Variants in ST18 observed in about 807,000 individuals in gnomAD.
The protein encoded by ST18 is ST18 C2H2C-type zinc finger transcription factor.
In ST18, 50 loss-of-function variants were observed where a neutral mutation model predicts 110.0. The ratio of observed to expected loss-of-function variants is 0.45; its 90% CI spans 0.36 to 0.58. The LOEUF (loss-of-function observed/expected upper bound fraction) is 0.58, where lower values mean the gene tolerates loss of function less well. Ranked by LOEUF, ST18 falls within the 20% of genes least tolerant of loss-of-function variation. The pLI is 0.00. For missense variants in ST18, 1,306 were observed against 1,280.1 expected (o/e 1.02, Z -0.31); for synonymous variants, 461 against 452.4 (o/e 1.02, Z -0.24).
chr8:52,181,417 A>T (rs570916334), intron 8 of ST18, among the ~76,000 whole-genome samples: 1 of 152,344 alleles, frequency 6.6e-6, no homozygotes, highest in South Asian at 2.1e-4. Flanking sequence ...TCTTGGCTTT[A>T]GAAGAGTAGG....
chr8:52,141,408 T>G (rs1178529670), intron 17 of ST18, among the ~76,000 whole-genome samples: 1 of 151,886 alleles, frequency 6.6e-6, no homozygotes, highest in Non-Finnish European at 1.5e-5. Context: ...GAAGAGGAAA[T>G]AAGGGGAAAT....
chr8:52,341,405 T>C (rs1814951006), intron 2 of ST18, among the ~76,000 whole-genome samples: 1 of 152,230 alleles, frequency 6.6e-6, no homozygotes, highest in Non-Finnish European at 1.5e-5. Context: ...GGAGACCTTT[T>C]CTGCACATCT....
intron 2 of ST18, among the ~76,000 whole-genome samples, chr8:52,339,336 C>T (rs1813735409): frequency 6.6e-6 from 1 of 152,206 alleles, no homozygotes; most frequent in Admixed American, 6.5e-5. Flanking sequence ...CGTGTTCCTT[C>T]CCAACCTCTA....
chr8:52,168,084 A>G (rs1211875673), intron 10 of ST18, among the ~76,000 whole-genome samples: 2 of 151,172 alleles, frequency 1.3e-5, no homozygotes, highest in African/African-American at 4.9e-5. Context: ...TTGCCCCCTA[A>G]CTTGTGCTGG....
chr8:52,299,699 G>A (rs1415272341), intron 2 of ST18, among the ~76,000 whole-genome samples: 2 of 152,198 alleles, frequency 1.3e-5, no homozygotes, highest in Non-Finnish European at 2.9e-5. Context: ...TCACCTGAAA[G>A]TAGTATCAAC....
At position 52,371,557 on chromosome 8, in the gene ST18, T is replaced by C. The variant is rs77372181; in HGVS notation, c.-465+37771A>G. Among the ~76,000 whole-genome samples, 985 of 152,320 alleles carry C rather than the reference T, an allele frequency of 6.5e-3. 10 individuals are homozygous for C. The highest frequency in any genetic ancestry group is 0.022 in the African/African-American group (928 of 41,572). ...TTAATTTTAGTTGTGGCAATGACAT[T>C]GTGATTATCTAAGAAAATATCTTTT... On this transcript the variant is annotated intron_variant, in intron 2 of 25. Transcript: ENST00000689386.
intron 9 of ST18, 97 bp downstream of exon 9, chr8:52,180,024 CA>C: frequency 7.9e-7 from 1 of 1,265,490 alleles, no homozygotes; most frequent in South Asian, 1.5e-5. Context: ...TGTACTTTTA[CA>C]ACCATACAAA....
At chr8:52,218,709 A>G (rs2085413176) in intron 5 of ST18, among the ~76,000 whole-genome samples, 2 of 151,818 alleles carry the variant, frequency 1.3e-5, no homozygotes, top group Admixed American at 1.3e-4. Context: ...TGCCGCTCTT[A>G]ATTTGAGAAG....
intron 8 of ST18, among the ~76,000 whole-genome samples, chr8:52,203,974 T>C (rs572839561): frequency 7.2e-5 from 11 of 152,312 alleles, no homozygotes; most frequent in African/African-American, 2.6e-4. Context: ...ATTTAGGTGG[T>C]TATAGAGTCA....
intron 8 of ST18, among the ~76,000 whole-genome samples, chr8:52,195,264 A>G (rs1487016602): frequency 1.3e-5 from 2 of 152,226 alleles, no homozygotes; most frequent in African/African-American, 2.4e-5. Flanking sequence ...TAGAATCAAG[A>G]TACTGAAAGA....
At chr8:52,322,583 C>G (rs1022159794) in intron 2 of ST18, among the ~76,000 whole-genome samples, 24 of 152,170 alleles carry the variant, frequency 1.6e-4, no homozygotes, top group African/African-American at 5.3e-4. Flanking sequence ...TCACTCAACC[C>G]TTTGTCTCAT....
intron 2 of ST18, chr8:52,301,929 G>A (rs1378987422): frequency 2.6e-5 from 4 of 152,292 alleles, no homozygotes; most frequent in Admixed American, 6.5e-5. Flanking sequence ...CCCTGACAAG[G>A]CTACACGAGT....
intron 9 of ST18, among the ~76,000 whole-genome samples, chr8:52,175,084 C>T (rs1328323449): frequency 6.6e-6 from 1 of 152,090 alleles, no homozygotes; most frequent in Non-Finnish European, 1.5e-5. Flanking sequence ...TCCTGGCGGC[C>T]TCTCTTGCAA....
At chr8:52,364,561 A>G (rs934306674) in intron 2 of ST18, among the ~76,000 whole-genome samples, 5 of 152,356 alleles carry the variant, frequency 3.3e-5, no homozygotes, top group African/African-American at 1.2e-4. Context: ...ATGTGGAGTC[A>G]ATGAAGACAT....
At chr8:52,296,083 G>A (rs997226846) in intron 2 of ST18, among the ~76,000 whole-genome samples, 1 of 152,026 alleles carries the variant, frequency 6.6e-6, no homozygotes, top group Non-Finnish European at 1.5e-5. Flanking sequence ...AGGCAAGTTC[G>A]GCAGCTGCTT....
intron 13 of ST18, 145 bp downstream of exon 13, chr8:52,163,841 C>T: frequency 1.7e-6 from 1 of 571,674 alleles, no homozygotes; most frequent in African/African-American, 1.9e-5. Flanking sequence ...AGCCTCTGGT[C>T]TAGTGGAGTG....
In ST18 at chr8:52,172,288, G is replaced by A. The variant is rs758965232; in HGVS notation, c.573C>T (p.Asp191=). The change falls in exon 10 of 26, where the codon GAC becomes GAT. Residue 191 remains aspartate, a synonymous_variant. Coordinates refer to ENST00000689386, the MANE Select transcript of ST18 (RefSeq NM_001352837.2). ...CTGCACTTTCAGAGTTACTTTCATT[G>A]TCATCAGAGGAGCAGAAGGGTGGCT... The part of the protein sequence containing the change: ...DSQPPFCSSD[D]NESNSESAEN... 3.1e-6 allele frequency: 5 copies of A among 1,614,154 alleles called. No homozygotes were observed. The South Asian group carries it at 5.5e-5, about 18-fold the overall frequency.
At chr8:52,387,415 T>C (rs1048539192) in intron 2 of ST18, among the ~76,000 whole-genome samples, 6 of 152,152 alleles carry the variant, frequency 3.9e-5, no homozygotes, top group African/African-American at 7.2e-5. Flanking sequence ...TCCCCCTAGG[T>C]TTAGGGTTAA....
chr8:52,309,504 G>C, intron 2 of ST18, among the ~76,000 whole-genome samples: 1 of 107,718 alleles, frequency 9.3e-6, no homozygotes. Flanking sequence ...CTGGGCAACA[G>C]AGCAAGACTC....
Sources: gnomAD v4.1 joint callset for allele counts (sites outside exome capture counted in the v4.1 genomes callset) on GRCh38, gnomAD v4.1.1 for gene constraint, MANE v1.5 for transcripts, NCBI Gene and HGNC (gene_info 2026-07-23, HGNC 2026-07-21) for gene names.